The following RELL1 variants were observed in gnomAD, a reference collection of about 807,000 sequenced individuals.
RELL1 encodes the protein RELT-like protein 1.
Under a neutral mutation model 23.0 loss-of-function variants are expected in RELL1, and 10 were observed. The observed-to-expected ratio is 0.43, with a 90% confidence interval of 0.27 to 0.74. The LOEUF (loss-of-function observed/expected upper bound fraction) is 0.74, where lower values mean the gene tolerates loss of function less well. Among genes scored for constraint, RELL1 ranks in the 30% least tolerant of loss-of-function variants. The pLI, the probability that RELL1 is intolerant of heterozygous loss-of-function variation, is 0.19. For synonymous variants in RELL1, 146 were observed against 146.8 expected (o/e 0.99, Z 0.04); for missense variants, 315 against 364.4 (o/e 0.86, Z 1.10).
downstream of RELL1, among the ~76,000 whole-genome samples, chr4:37,586,819 A>G (rs951324877): frequency 6.6e-6 from 1 of 152,180 alleles, no homozygotes; most frequent in Non-Finnish European, 1.5e-5. Context: ...CTGAGGCAGG[A>G]GAATCACTTG....
chr4:37,644,387 A>G (rs1720627188), intron 3 of RELL1, among the ~76,000 whole-genome samples: 1 of 151,722 alleles, frequency 6.6e-6, no homozygotes, highest in Non-Finnish European at 1.5e-5. Flanking sequence ...TTCCTAATCT[A>G]CAAAATAGGG....
chr4:37,587,158 T>C (rs1718379496), downstream of RELL1, among the ~76,000 whole-genome samples: 2 of 152,252 alleles, frequency 1.3e-5, no homozygotes, highest in African/African-American at 4.8e-5. Context: ...TTTGGTCACA[T>C]TGCCTCTTCC....
chr4:37,664,805 C>T (rs1176465832), intron 1 of RELL1, among the ~76,000 whole-genome samples: 4 of 151,876 alleles, frequency 2.6e-5, no homozygotes, highest in Admixed American at 1.3e-4. Context: ...ATCACTGGGT[C>T]GAGGCAGAGA....
rs771199308 is a variant in RELL1, at chr4:37,647,383, T to G, written c.370A>C (p.Ile124Leu). Residue 124 changes from isoleucine (I) to leucine (L), a missense_variant, in exon 3 of 7, where the codon ATC becomes CTC. By Grantham distance (5) the Ile-to-Leu change is conservative. Coordinates refer to ENST00000454158, the MANE Select transcript of RELL1 (RefSeq NM_001085400.2). ...SDTVGQIVHYIMKNEANADVL... is the reference protein window; with the variant it reads ...SDTVGQIVHYLMKNEANADVL... ...ATGTTCACACCTTCATTTTTCATGATGTAGTGGACGATTTGCCCAACAGTG... is the reference window on the plus strand; with the variant it reads ...ATGTTCACACCTTCATTTTTCATGAGGTAGTGGACGATTTGCCCAACAGTG... 1 of 1,612,016 alleles carries G rather than the reference T, an allele frequency of 6.2e-7. No homozygotes were observed. The highest frequency in any genetic ancestry group is 2.2e-5 in the East Asian group (1 of 44,864).
intron 6 of RELL1, among the ~76,000 whole-genome samples, chr4:37,629,248 G>A (rs187731326): frequency 1.3e-5 from 2 of 152,280 alleles, no homozygotes; most frequent in African/African-American, 4.8e-5. Flanking sequence ...CCTCACCTAA[G>A]ACTTGAATAG....
chr4:37,599,953 G>T (rs994597545), intron 6 of RELL1, among the ~76,000 whole-genome samples: 52 of 152,264 alleles, frequency 3.4e-4, no homozygotes, highest in African/African-American at 1.2e-3. Context: ...CACGTACCCA[G>T]CACAAAGTAA....
At chr4:37,589,535 T>C (rs560500906), downstream of RELL1, among the ~76,000 whole-genome samples, 1 of 152,210 alleles carries the variant, frequency 6.6e-6, no homozygotes, top group Non-Finnish European at 1.5e-5. Flanking sequence ...GTTTTATTTG[T>C]TTTTTATTTT....
chr4:37,634,455 C>T (rs1306940048), intron 5 of RELL1, among the ~76,000 whole-genome samples: 1 of 152,232 alleles, frequency 6.6e-6, no homozygotes, highest in Non-Finnish European at 1.5e-5. Flanking sequence ...TCTTTCAAAA[C>T]CCCTCGTGAA....
intron 1 of RELL1, among the ~76,000 whole-genome samples, chr4:37,650,181 G>T (rs1201557838): frequency 6.6e-6 from 1 of 152,188 alleles, no homozygotes; most frequent in African/African-American, 2.4e-5. Context: ...ATCACACTGA[G>T]CAAAACAGGC....
chr4:37,633,429 A>T (rs1236792141), intron 5 of RELL1, among the ~76,000 whole-genome samples: 1 of 100,364 alleles, frequency 1.0e-5, no homozygotes, highest in Non-Finnish European at 1.8e-5. Flanking sequence ...AAAAAAAAAA[A>T]AAAAAAAAAA....
At chr4:37,591,052 T>G (rs937941) in exon 7 of RELL1, 13 of 1,487,098 alleles carry the variant, frequency 8.7e-6, no homozygotes, top group Non-Finnish European at 1.1e-5. Flanking sequence ...AGCATGCAGA[T>G]GCATTTGCTC....
At chr4:37,618,005 G>A (rs1719630876) in intron 6 of RELL1, among the ~76,000 whole-genome samples, 1 of 152,176 alleles carries the variant, frequency 6.6e-6, no homozygotes, top group Non-Finnish European at 1.5e-5. Context: ...AGGATGAGAA[G>A]ACACCATCCA....
chr4:37,607,424 G>C (rs1299826987), downstream of RELL1, among the ~76,000 whole-genome samples: 2 of 152,220 alleles, frequency 1.3e-5, no homozygotes, highest in Non-Finnish European at 2.9e-5. Flanking sequence ...TTAAAAAGCA[G>C]TAACAGGCAT....
At chr4:37,598,252 CAAA>C (rs56142508) in intron 6 of RELL1, among the ~76,000 whole-genome samples, 5 of 11,344 alleles carry the variant, frequency 4.4e-4, no homozygotes, top group African/African-American at 1.5e-3. Flanking sequence ...AACTCTGTCT[CAAA>C]AAAAAAAAAA....
intron 1 of RELL1, among the ~76,000 whole-genome samples, chr4:37,670,022 A>C (rs1229888497): frequency 2.7e-5 from 4 of 150,858 alleles, no homozygotes; most frequent in African/African-American, 9.7e-5. Context: ...AGAAACACCC[A>C]AGAATGATCA....
chr4:37,598,252 CAAAAAAAAAA>C (rs56142508), intron 6 of RELL1, among the ~76,000 whole-genome samples: 51 of 11,342 alleles, frequency 4.5e-3, no homozygotes, highest in East Asian at 0.017. Flanking sequence ...AACTCTGTCT[CAAAAAAAAAA>C]AAAAAAAAAA....
intron 4 of RELL1, 25 bp from the exon 5 acceptor site, chr4:37,635,148 G>A: frequency 1.3e-6 from 2 of 1,570,888 alleles, no homozygotes; most frequent in Middle Eastern, 1.7e-4. Context: ...AAAACAAAAA[G>A]AGCAACTGGT....
chr4:37,676,195 G>C (rs1031682700), intron 1 of RELL1, among the ~76,000 whole-genome samples: 1 of 152,076 alleles, frequency 6.6e-6, no homozygotes, highest in South Asian at 2.1e-4. Context: ...GGTACTCAGG[G>C]CATGTCATTT....
chr4:37,588,351 T>C (rs1718427635), downstream of RELL1: 2 of 154,928 alleles, frequency 1.3e-5, no homozygotes. Context: ...AGGGCCTGAA[T>C]CATGGGACAC....
Sources: gnomAD v4.1 joint callset for allele counts (sites outside exome capture counted in the v4.1 genomes callset) on GRCh38, gnomAD v4.1.1 for gene constraint, MANE v1.5 for transcripts, NCBI Gene and HGNC (gene_info 2026-07-23, HGNC 2026-07-21) for gene names.